PCDHGA1: variants seen among roughly 807,000 people sequenced by gnomAD.
PCDHGA1 encodes the protein protocadherin gamma-A1.
PCDHGA1 carries 32 observed loss-of-function variants against 58.0 expected under a neutral mutation model. The ratio of observed to expected loss-of-function variants is 0.55; its 90% confidence interval spans 0.42 to 0.74. PCDHGA1 has a LOEUF of 0.74. Ranked by LOEUF, PCDHGA1 falls within the 30% of genes least tolerant of loss-of-function variation. The pLI is 0.00. For missense variants in PCDHGA1, 1,205 were observed against 1,182.3 expected (o/e 1.02, Z -0.28); for synonymous variants, 498 against 501.1 (o/e 0.99, Z 0.08).
At chr5:141,409,735 C>T (rs763035733) in intron 1 of PCDHGA1, 1 of 1,613,006 alleles carries the variant, frequency 6.2e-7, no homozygotes, top group Admixed American at 1.7e-5. Context: ...GCGCGCAGAG[C>T]GGGGTGGTGT....
intron 1 of PCDHGA1, among the ~76,000 whole-genome samples, chr5:141,406,607 C>T (rs1289606470): frequency 6.6e-6 from 1 of 152,202 alleles, no homozygotes; most frequent in Non-Finnish European, 1.5e-5. Flanking sequence ...AAAGTTGTCA[C>T]ATCTTTTATT....
At chr5:141,478,443 C>T (rs2099456258) in intron 1 of PCDHGA1, 3 of 1,613,494 alleles carry the variant, frequency 1.9e-6, no homozygotes, top group Admixed American at 1.7e-5. Flanking sequence ...CTGAAGAAAC[C>T]TGGTGCAGCC....
At chr5:141,419,916 C>T in intron 1 of PCDHGA1, 1 of 1,614,080 alleles carries the variant, frequency 6.2e-7, no homozygotes, top group Non-Finnish European at 8.5e-7. Context: ...GACTCCCAGG[C>T]TGAGATGCAG....
At chr5:141,430,910 G>T in intron 1 of PCDHGA1, 2 of 1,608,040 alleles carry the variant, frequency 1.2e-6, no homozygotes, top group Middle Eastern at 1.7e-4. Context: ...CATCTCCAGG[G>T]ACCTGGGGCT....
At position 141,351,599 on chromosome 5, in the gene PCDHGA1, G is replaced by A. The variant is rs1225223997; in HGVS notation, c.2421+18494G>A. The A allele has an allele frequency of 7.4e-6, 12 of 1,614,054 alleles. No homozygotes were observed. The highest frequency in any genetic ancestry group is 1.0e-5 in the Non-Finnish European group (12 of 1,179,904). On this transcript the variant is annotated intron_variant, in intron 1 of 3. Coordinates refer to ENST00000517417, the MANE Select transcript of PCDHGA1 (RefSeq NM_018912.3). ...CTCCGACATCAACGACAATGCACCTGTTTTCCATCAGGCCTCCTATGTGGT... is the reference window on the plus strand; with the variant it reads ...CTCCGACATCAACGACAATGCACCTATTTTCCATCAGGCCTCCTATGTGGT...
intron 2 of PCDHGA1, among the ~76,000 whole-genome samples, chr5:141,496,841 G>C (rs2099771828): frequency 6.6e-6 from 1 of 151,398 alleles, no homozygotes; most frequent in South Asian, 2.1e-4. Context: ...GAACTCATAG[G>C]CTTCCAGACC....
rs760070878 is a variant in PCDHGA1, at chr5:141,490,862, C to T, written c.2422-3945C>T. On this transcript the variant is annotated intron_variant, in intron 1 of 3. Coordinates refer to ENST00000517417, the MANE Select transcript of PCDHGA1 (RefSeq NM_018912.3). This position sits in a 1 kb window ranked among gnomAD's most constrained non-coding sequence, Gnocchi z 5.4. ...GTGGTGGGGGTTCGAGACTCCGGCTCTCCCCCATTGCATGCCAACACATCT... is the reference window on the plus strand; with the variant it reads ...GTGGTGGGGGTTCGAGACTCCGGCTTTCCCCCATTGCATGCCAACACATCT... 2.0e-5 allele frequency: 33 copies of T among 1,613,878 alleles called. No individual in the cohort carries two copies. Among genetic ancestry groups the T allele is most frequent in the Non-Finnish European group, 2.8e-5 (33 of 1,179,920 alleles).
At chr5:141,372,379 T>TA (rs1390677977) in intron 1 of PCDHGA1, 1 of 1,613,888 alleles carries the variant, frequency 6.2e-7, no homozygotes, top group Non-Finnish European at 8.5e-7. Context: ...ATGCTGCACC[T>TA]AATCTTCGCA....
At chr5:141,398,392 A>T in intron 1 of PCDHGA1, 1 of 1,456,390 alleles carries the variant, frequency 6.9e-7, no homozygotes, top group Non-Finnish European at 9.5e-7. Context: ...TGTGAGCAGC[A>T]GGCTAGACAG....
intron 1 of PCDHGA1, chr5:141,428,361 C>T (rs1285334430): frequency 9.0e-6 from 5 of 556,646 alleles, no homozygotes; most frequent in South Asian, 7.5e-5. Context: ...TTTTGGCGGT[C>T]GCCTTGCACC....
chr5:141,339,630 C>T (rs748369248), intron 1 of PCDHGA1: 22 of 1,614,182 alleles, frequency 1.4e-5, no homozygotes, highest in Non-Finnish European at 1.7e-5. Flanking sequence ...GGGGGTGACC[C>T]AGTGCTATCT....
intron 1 of PCDHGA1, chr5:141,370,541 C>T (rs760146561): frequency 5.0e-6 from 8 of 1,613,924 alleles, no homozygotes; most frequent in Non-Finnish European, 5.9e-6. Flanking sequence ...TGGTAGGGAA[C>T]CTCGCCAAGG....
At chr5:141,508,815 C>T (rs1190983144) in intron 3 of PCDHGA1, among the ~76,000 whole-genome samples, 1 of 152,138 alleles carries the variant, frequency 6.6e-6, no homozygotes, top group East Asian at 1.9e-4. Context: ...TCTTTGAAGC[C>T]AGATCTGGGC....
chr5:141,389,818 G>T, intron 1 of PCDHGA1: 2 of 1,613,888 alleles, frequency 1.2e-6, no homozygotes, highest in Non-Finnish European at 1.7e-6. Flanking sequence ...GTCGCCGTGC[G>T]TGACGGTGGA....
intron 1 of PCDHGA1, chr5:141,351,714 A>C: frequency 6.2e-7 from 1 of 1,613,242 alleles, no homozygotes. Flanking sequence ...AGAGTCTCCT[A>C]CTCTATTCTG....
At chr5:141,362,879 A>T (rs1762711242) in intron 1 of PCDHGA1, among the ~76,000 whole-genome samples, 1 of 152,216 alleles carries the variant, frequency 6.6e-6, no homozygotes, top group African/African-American at 2.4e-5. Context: ...TGTTATTCAA[A>T]TTTTAGTTTT....
chr5:141,476,979 G>T lies in PCDHGA1; in HGVS notation c.2422-17828G>T. The T allele has an allele frequency of 1.2e-6, 2 of 1,614,238 alleles. No individual in the cohort carries two copies. The highest frequency in any genetic ancestry group is 1.7e-6 in the Non-Finnish European group (2 of 1,180,042). The stretch of plus-strand genomic sequence containing the variant: ...ATTTACTCCTTCGGCAGCCACAACC[G>T]CGCCGGCGTGCGGCAACTATTCGCC... On this transcript the variant is annotated intron_variant, in intron 1 of 3. Coordinates refer to ENST00000517417, the MANE Select transcript of PCDHGA1 (RefSeq NM_018912.3). This position sits in a 1 kb window ranked among gnomAD's most constrained non-coding sequence, Gnocchi z 7.6.
intron 1 of PCDHGA1, chr5:141,375,797 T>A: frequency 6.2e-7 from 1 of 1,614,192 alleles, no homozygotes; most frequent in Non-Finnish European, 8.5e-7. Flanking sequence ...CACAGACGGT[T>A]CCACTGGCGT....
In PCDHGA1 at chr5:141,404,331, A is replaced by G. The variant is rs201757016; in HGVS notation, c.2421+71226A>G. On this transcript the variant is annotated intron_variant, in intron 1 of 3. Coordinates refer to ENST00000517417, the MANE Select transcript of PCDHGA1 (RefSeq NM_018912.3). ...TTCTCTCAAGCCTCCTACTCAGTCT[A>G]CCTCCCGGAAAACAACGCCAGAGGT... 101 of 1,613,692 alleles carry G rather than the reference A, an allele frequency of 6.3e-5. 1 individual carries two copies. The highest frequency in any genetic ancestry group is 6.0e-4 in the African/African-American group (45 of 74,944).
Sources: gnomAD v4.1 joint callset for allele counts (sites outside exome capture counted in the v4.1 genomes callset) on GRCh38, gnomAD v4.1.1 for gene constraint, Gnocchi (gnomAD v3.1) non-coding constraint, MANE v1.5 for transcripts, NCBI Gene and HGNC (gene_info 2026-07-23, HGNC 2026-07-21) for gene names.